The following TRPM4 variants were observed in gnomAD, a reference collection of about 807,000 sequenced individuals.
TRPM4 encodes calcium-activated non-selective cation channel 1.
A neutral mutation model predicts 135.6 loss-of-function variants in TRPM4; 124 were observed. The ratio of observed to expected loss-of-function variants is 0.91; its 90% CI spans 0.79 to 1.06. The LOEUF is 1.06. TRPM4 is among the 50% of genes least tolerant of loss of function. The pLI is 0.00. For synonymous variants in TRPM4, 745 were observed against 705.6 expected, an observed-to-expected ratio of 1.06 and a Z score of -0.88; for missense variants, 1,658 against 1,671.4, an observed-to-expected ratio of 0.99 and a Z score of 0.14.
At chr19:49,158,583 G>A (rs4802577) in intron 2 of TRPM4, 39,078 of 326,130 alleles carry the variant, frequency 0.12, 2,630 homozygotes, top group Admixed American at 0.19. Flanking sequence ...GGGTATTTCT[G>A]TTTCATTCAT....
In TRPM4 at chr19:49,210,257, G is replaced by A. The variant is rs1300013767; in HGVS notation, c.3180G>A (p.Ala1060=). The A allele has an allele frequency of 8.7e-6, 14 of 1,614,210 alleles. No individual in the cohort carries two copies. The highest frequency in any genetic ancestry group is 1.2e-5 in the Non-Finnish European group (14 of 1,180,042). The part of the protein sequence containing the change: ...VQGNSDLYWK[A]QRYRLIREFH... ...GCAACAGCGATCTCTACTGGAAGGC[G>A]CAGCGTTACCGCCTCATCCGGGAAT... Residue 1060 remains alanine, a synonymous_variant, in exon 21 of 25, where the codon GCG becomes GCA. Transcript: ENST00000252826. This position sits in a 1 kb window ranked among gnomAD's most constrained non-coding sequence, Gnocchi z 4.1.
At chr19:49,164,668 C>T (rs1967104263) in intron 2 of TRPM4, among the ~76,000 whole-genome samples, 1 of 150,808 alleles carries the variant, frequency 6.6e-6, no homozygotes, top group African/African-American at 2.4e-5. Flanking sequence ...AGGCATGAGC[C>T]ACTGCGCCCG....
intron 17 of TRPM4, among the ~76,000 whole-genome samples, chr19:49,197,304 TTCTTTTTCTTTCTTTC>T (rs1462232067): frequency 4.9e-5 from 6 of 122,294 alleles, no homozygotes; most frequent in Admixed American, 1.6e-4. Flanking sequence ...TTCTCTTTCT[TTCTTTTTCTTTCTTTC>T]TTTCTTTCTT....
intron 16 of TRPM4, among the ~76,000 whole-genome samples, chr19:49,193,861 T>TTG: frequency 6.6e-6 from 1 of 151,938 alleles, no homozygotes; most frequent in South Asian, 2.1e-4. Flanking sequence ...CTCCTCCTCC[T>TTG]TCTCCTCCTT....
chr19:49,206,126 A>C (rs1195029289), intron 20 of TRPM4, among the ~76,000 whole-genome samples: 1 of 151,296 alleles, frequency 6.6e-6, no homozygotes, highest in Admixed American at 6.6e-5. Context: ...ACGCCCGGCT[A>C]ATTTTTTTGT....
intron 9 of TRPM4, among the ~76,000 whole-genome samples, chr19:49,177,723 A>G (rs1189121112): frequency 6.6e-6 from 1 of 152,152 alleles, no homozygotes. Flanking sequence ...TGCAAGGATT[A>G]TCACCCCATT....
Position 49,188,878 on chromosome 19 carries a change from A to T in TRPM4, c.1874-68A>T, listed in dbSNP as rs1968301403. The T allele has an allele frequency of 5.6e-6, 9 of 1,612,628 alleles. No homozygotes were observed. In the South Asian group the frequency reaches 8.8e-5, roughly 16 times the overall value. On this transcript the variant is annotated intron_variant, in intron 13 of 24. Transcript: ENST00000252826. ...CTGCGCCATCCCCTTAAATTCCCTTACCTCTCCCTTCACACCCTCACCCTA... is the reference window on the plus strand; with the variant it reads ...CTGCGCCATCCCCTTAAATTCCCTTTCCTCTCCCTTCACACCCTCACCCTA...
At position 49,210,830 on chromosome 19, in the gene TRPM4, G is replaced by T. The variant is rs1273337644; in HGVS notation, c.3449G>T (p.Arg1150Leu). Residue 1150 changes from arginine to leucine, a missense_variant, in exon 22 of 25, where the codon CGC becomes CTC. Arg to Leu is a moderately radical substitution (Grantham distance 102). This residue lies in a region of TRPM4 where 1,412 missense variants were observed against 1,408.7 expected (regional missense o/e 1.00). Transcript: ENST00000252826. The surrounding 1 kb of genome is among the most constrained non-coding windows in gnomAD (Gnocchi z 4.1). Reference protein sequence around the residue: ...KRESDSERLKRTSQKVDLALK... With the variant: ...KRESDSERLKLTSQKVDLALK... ...GAGAGCGACTCCGAGCGTCTGAAGCGCACGTCCCAGAAGTGAGAGCGGGGC... is the reference window on the plus strand; with the variant it reads ...GAGAGCGACTCCGAGCGTCTGAAGCTCACGTCCCAGAAGTGAGAGCGGGGC... The T allele has an allele frequency of 9.3e-6, 15 of 1,611,390 alleles. No homozygotes were observed. Among genetic ancestry groups the T allele is most frequent in the Non-Finnish European group, 1.3e-5 (15 of 1,179,222 alleles).
chr19:49,182,518 C>A, intron 10 of TRPM4, 60 bp from the exon 11 acceptor site: 4 of 1,413,650 alleles, frequency 2.8e-6, no homozygotes, highest in Non-Finnish European at 3.9e-6. Context: ...CATACCCTTG[C>A]CCATCTCTTG....
In TRPM4 at chr19:49,183,119, G is replaced by A. The variant is rs757351080; in HGVS notation, c.1650G>A (p.Leu550=). ...LSDKATSPLS[L]DAGLGQAPWS... is the part of the protein sequence containing the mutation. ...ACAAGGCCACCTCGCCGCTCTCGCT[G>A]GATGCTGGCCTCGGGCAGGCCCCCT... Residue 550 remains leucine (L), a synonymous_variant, in exon 12 of 25, where the codon CTG becomes CTA. Coordinates refer to ENST00000252826, the MANE Select transcript of TRPM4 (RefSeq NM_017636.4). The A allele has an allele frequency of 6.2e-7, 1 of 1,613,790 alleles. No individual in the cohort carries two copies. Among genetic ancestry groups the A allele is most frequent in the East Asian group, 2.2e-5 (1 of 44,884 alleles).
rs1412666872 is a variant in TRPM4 at position 49,210,256 on chromosome 19, C to T, written c.3179C>T (p.Ala1060Val). 1 of 1,614,222 alleles carries T rather than the reference C, an allele frequency of 6.2e-7. No homozygotes were observed. Among genetic ancestry groups the T allele is most frequent in the Non-Finnish European group, 8.5e-7 (1 of 1,180,044 alleles). ...GGCAACAGCGATCTCTACTGGAAGG[C>T]GCAGCGTTACCGCCTCATCCGGGAA... ...VQGNSDLYWK[A>V]QRYRLIREFH... The change falls in exon 21 of 25, where the codon GCG becomes GTG. Residue 1060 changes from alanine to valine, a missense_variant. Physicochemically the swap from Ala to Val is moderately conservative, Grantham distance 64. Around this residue, in one of 3 missense-constraint regions of TRPM4, gnomAD observed 1,412 missense variants for 1,408.7 expected, o/e 1.00. Transcript: ENST00000252826. The surrounding 1 kb of genome is among the most constrained non-coding windows in gnomAD (Gnocchi z 4.1).
intron 9 of TRPM4, among the ~76,000 whole-genome samples, chr19:49,173,840 AT>A (rs35933161): frequency 2.7e-5 from 4 of 149,846 alleles, no homozygotes; most frequent in South Asian, 2.1e-4. Context: ...CAAAAAAAAA[AT>A]TTTTTTTTTG....
chr19:49,202,411 G>A (rs527903231), intron 20 of TRPM4, among the ~76,000 whole-genome samples: 41 of 152,074 alleles, frequency 2.7e-4, no homozygotes, highest in African/African-American at 9.2e-4. Flanking sequence ...TGATGTGATC[G>A]TAGCTTACTG....
At position 49,171,842 on chromosome 19, in the gene TRPM4, G is replaced by A; in HGVS notation, c.1050+73G>A. On this transcript the variant is annotated intron_variant, in intron 8 of 24. Transcript: ENST00000252826. This position sits in a 1 kb window ranked among gnomAD's most constrained non-coding sequence, Gnocchi z 4.7. ...GGGGACTTGGGCTCCTGGGTCTGAG[G>A]GAGGAGGGGCTGGGGGCCTGGACTT... The A allele has an allele frequency of 6.5e-7, 1 of 1,530,788 alleles. No homozygotes were observed. The highest frequency in any genetic ancestry group is 1.1e-5 in the South Asian group (1 of 87,786). The allele number at this position is 1,530,788 out of a possible 1,614,324, so 94.8% of individuals were successfully genotyped here.
chr19:49,161,238 A>G (rs1013022858), intron 2 of TRPM4, among the ~76,000 whole-genome samples: 37 of 151,906 alleles, frequency 2.4e-4, no homozygotes, highest in Admixed American at 2.0e-4. Context: ...GCAAACTGGC[A>G]ATTCTATAGC....
intron 12 of TRPM4, among the ~76,000 whole-genome samples, chr19:49,187,439 G>A (rs1193525437): frequency 6.6e-6 from 1 of 151,730 alleles, no homozygotes; most frequent in South Asian, 2.1e-4. Flanking sequence ...CAACCTACTG[G>A]GCTCATTCGA....
chr19:49,202,828 C>A (rs1201405543), intron 20 of TRPM4, among the ~76,000 whole-genome samples: 2 of 151,892 alleles, frequency 1.3e-5, no homozygotes, highest in African/African-American at 4.8e-5. Context: ...TCGCGCCCAG[C>A]CAACTTTGTT....
chr19:49,171,263 C>G lies in TRPM4; in HGVS notation c.797-94C>G. The G allele has an allele frequency of 2.3e-6, 3 of 1,299,380 alleles. No individual in the cohort carries two copies. 80.5% of individuals were successfully genotyped at this position (1,299,380 alleles called of 1,614,324 possible). On this transcript the variant is annotated intron_variant, in intron 6 of 24. Coordinates refer to ENST00000252826, the MANE Select transcript of TRPM4 (RefSeq NM_017636.4). The surrounding 1 kb of genome is among the most constrained non-coding windows in gnomAD (Gnocchi z 4.7). ...CTCTGAACAGAAGATTAGGACAAGG[C>G]TGATGTTTGCCGACTCCTGGGAAAT...
intron 9 of TRPM4, among the ~76,000 whole-genome samples, chr19:49,180,417 GTCA>G (rs1187485886): frequency 1.4e-5 from 2 of 146,562 alleles, no homozygotes; most frequent in Non-Finnish European, 3.0e-5. Context: ...ACTCACGTTT[GTCA>G]TCATCTGCTG....
Sources: gnomAD v4.1 joint callset for allele counts (sites outside exome capture counted in the v4.1 genomes callset) on GRCh38, gnomAD v4.1.1 for gene constraint, gnomAD v4.1.1 regional missense constraint, Gnocchi (gnomAD v3.1) non-coding constraint, MANE v1.5 for transcripts, NCBI Gene and HGNC (gene_info 2026-07-23, HGNC 2026-07-21) for gene names.